NRK: variants seen among roughly 807,000 people sequenced by gnomAD.
The protein encoded by NRK is Nik related kinase, also known as nik-related protein kinase.
Under a neutral mutation model 125.2 loss-of-function variants are expected in NRK, and 67 were observed. That is an observed-to-expected ratio of 0.54 (90% confidence interval 0.44 to 0.66). The LOEUF is 0.66. NRK is among the 30% of genes least tolerant of loss of function. The pLI is 0.00. For synonymous variants in NRK, 458 were observed against 429.0 expected, an observed-to-expected ratio of 1.07 and a Z score of -0.84; for missense variants, 1,224 against 1,192.9, an observed-to-expected ratio of 1.03 and a Z score of -0.38.
At chrX:105,939,190 G>C (rs1183263279) in intron 22 of NRK, among the ~76,000 whole-genome samples, 3 of 111,333 alleles carry the variant, frequency 2.7e-5, no homozygotes, top group African/African-American at 9.8e-5. Context: ...GAATCCTATT[G>C]TTGGGCCTAG....
chrX:105,955,953 T>C lies in NRK; in HGVS notation c.*353T>C. 8.1e-6 allele frequency: 1 copy of C among 123,864 alleles called. No individual in the cohort carries two copies. The highest frequency in any genetic ancestry group is 1.7e-5 in the Non-Finnish European group (1 of 60,314). The allele number at this position is 123,864 out of a possible 1,213,427, so 10.2% of individuals were successfully genotyped here. A position where few individuals can be genotyped will look rare whatever the true frequency, so the allele number is the denominator to read the frequency against. On this transcript the variant is annotated 3_prime_UTR_variant, in exon 29 of 29. Transcript: ENST00000243300. ...TTATGAATTAGATTACAAGCAGCCTTCAAAAGAATTGGCACTGGGATAAGA... is the reference window on the plus strand; with the variant it reads ...TTATGAATTAGATTACAAGCAGCCTCCAAAAGAATTGGCACTGGGATAAGA...
chrX:105,824,202 G>A (rs5962589), intron 1 of NRK, among the ~76,000 whole-genome samples: 21,511 of 111,071 alleles, frequency 0.19, 1,552 homozygotes, highest in Middle Eastern at 0.32. Flanking sequence ...TATTTATGCA[G>A]CTTCATAAAA....
intron 1 of NRK, among the ~76,000 whole-genome samples, chrX:105,825,414 A>C (rs1227037117): frequency 8.9e-6 from 1 of 112,271 alleles, no homozygotes; most frequent in East Asian, 2.8e-4. Context: ...CAAACATTGG[A>C]GTTGCAAACT....
At chrX:105,943,453 G>T (rs1272241158) in intron 23 of NRK, among the ~76,000 whole-genome samples, 2 of 111,918 alleles carry the variant, frequency 1.8e-5, no homozygotes, top group Non-Finnish European at 3.8e-5. Flanking sequence ...AAATTGGAAA[G>T]TGTGAGTTCT....
intron 3 of NRK, among the ~76,000 whole-genome samples, chrX:105,881,004 C>G (rs1003556402): frequency 2.7e-5 from 3 of 111,518 alleles, no homozygotes; most frequent in African/African-American, 9.8e-5. Flanking sequence ...TGTGCTTTTT[C>G]CAATTTGTGC....
chrX:105,935,253 G>A lies in NRK; in HGVS notation c.3583G>A (p.Ala1195Thr), dbSNP rs1258674037. 2.5e-6 allele frequency: 3 copies of A among 1,195,608 alleles called. No homozygotes were observed. Among genetic ancestry groups the A allele is most frequent in the East Asian group, 3.0e-5 (1 of 33,720 alleles). Residue 1195 changes from alanine (A) to threonine (T), a missense_variant, in exon 21 of 29, where the codon GCA becomes ACA. Physicochemically the swap from Ala to Thr is moderately conservative, Grantham distance 58. Coordinates refer to ENST00000243300, the MANE Select transcript of NRK (RefSeq NM_198465.4). The part of the protein sequence containing the change: ...VNVNPLYVSP[A>T]CKKPLIHMYE... ...TGTTAACCCACTCTATGTCTCTCCT[G>A]CATGTAAAAAACCACTAATCCACAT...
intron 7 of NRK, among the ~76,000 whole-genome samples, chrX:105,897,669 T>C (rs1412737845): frequency 8.9e-6 from 1 of 112,463 alleles, no homozygotes; most frequent in Non-Finnish European, 1.9e-5. Flanking sequence ...ATTTAACCTG[T>C]TTCTTTTTAA....
chrX:105,840,874 T>TAGAG (rs773416696), intron 2 of NRK, among the ~76,000 whole-genome samples: 12,021 of 108,651 alleles, frequency 0.11, 1,763 homozygotes, highest in African/African-American at 0.39. Context: ...TATATATACA[T>TAGAG]AGAGAGAGAG....
At chrX:105,829,112 G>C (rs762678957) in intron 1 of NRK, among the ~76,000 whole-genome samples, 1 of 111,762 alleles carries the variant, frequency 8.9e-6, no homozygotes, top group Non-Finnish European at 1.9e-5. Flanking sequence ...TTTTATGTAT[G>C]TGAAAACTGA....
intron 23 of NRK, among the ~76,000 whole-genome samples, chrX:105,941,182 A>G (rs938184126): frequency 9.0e-6 from 1 of 111,169 alleles, no homozygotes; most frequent in African/African-American, 3.3e-5. Context: ...TCACAAAGTT[A>G]CTCATATTGC....
intron 15 of NRK, among the ~76,000 whole-genome samples, chrX:105,916,597 C>T (rs1247148328): frequency 9.0e-6 from 1 of 111,490 alleles, no homozygotes; most frequent in Non-Finnish European, 1.9e-5. Flanking sequence ...TTAAAAAACC[C>T]ATACAATTAT....
In NRK at chrX:105,895,363, C is replaced by CAGAAAGAA. The variant is rs111844831; in HGVS notation, c.490-44_490-37dup. 2.7e-3 allele frequency: 2,085 copies of CAGAAAGAA among 776,402 alleles called. 2 individuals are homozygous for CAGAAAGAA. The highest frequency in any genetic ancestry group is 7.4e-3 in the African/African-American group (334 of 44,923). The allele number at this position is 776,402 out of a possible 1,213,427, so 64.0% of individuals were successfully genotyped here. A position where few individuals can be genotyped will look rare whatever the true frequency, so the allele number is the denominator to read the frequency against. Reference sequence around the variant, plus strand: ...TTTCCAAAAATACTAAGAACTGTACCAGAAAGAAAGAAAGAAAGAAAGAAA... The same window carrying CAGAAAGAA: ...TTTCCAAAAATACTAAGAACTGTACCAGAAAGAAAGAAAGAAAGAAAGAAAGAAAGAAA... On this transcript the variant is annotated intron_variant, in intron 6 of 28. Coordinates refer to ENST00000243300, the MANE Select transcript of NRK (RefSeq NM_198465.4).
Position 105,956,987 on chromosome X carries a change from A to C in NRK, c.*1387A>C, listed in dbSNP as rs1332056130. ...CTGAGGACAGTGCTAGTGGGAAAAT[A>C]ATTTTCAAACTACCTGGTTAACCAA... On this transcript the variant is annotated 3_prime_UTR_variant, in exon 29 of 29. Transcript: ENST00000243300. 1 of 112,435 alleles carries C rather than the reference A, an allele frequency of 8.9e-6. No individual in the cohort carries two copies. The highest frequency in any genetic ancestry group is 1.9e-5 in the Non-Finnish European group (1 of 53,204). The allele number at this position is 112,435 out of a possible 1,213,427, so 9.3% of individuals were successfully genotyped here. A position where few individuals can be genotyped will look rare whatever the true frequency, so the allele number is the denominator to read the frequency against.
chrX:105,874,769 C>T (rs899692526), intron 2 of NRK, among the ~76,000 whole-genome samples: 2 of 111,251 alleles, frequency 1.8e-5, no homozygotes, highest in African/African-American at 6.5e-5. Flanking sequence ...AACAACAGCA[C>T]CGTAATAAAC....
chrX:105,845,494 A>G (rs2039388750), intron 2 of NRK, among the ~76,000 whole-genome samples: 1 of 111,972 alleles, frequency 8.9e-6, no homozygotes, highest in Admixed American at 9.5e-5. Flanking sequence ...TCTGATTTTG[A>G]TGAAGAACAA....
At chrX:105,886,400 GAC>G (rs957121763) in intron 4 of NRK, among the ~76,000 whole-genome samples, 10 of 103,150 alleles carry the variant, frequency 9.7e-5, no homozygotes, top group Admixed American at 4.3e-4. Flanking sequence ...TACACATACA[GAC>G]ACACATGTAT....
At chrX:105,909,996 C>T (rs1435946040) in intron 13 of NRK, 114 bp downstream of exon 13, 1 of 551,340 alleles carries the variant, frequency 1.8e-6, no homozygotes. Context: ...TTGTGTTCTA[C>T]AGAAGATATA....
At chrX:105,911,382 A>T in intron 13 of NRK, among the ~76,000 whole-genome samples, 1 of 111,692 alleles carries the variant, frequency 9.0e-6, no homozygotes, top group South Asian at 3.7e-4. Flanking sequence ...CCCCACATCC[A>T]TTTGTGTAAA....
At chrX:105,898,787 TAAAAC>T (rs1478471950) in intron 8 of NRK, 73 bp downstream of exon 8, 9 of 907,895 alleles carry the variant, frequency 9.9e-6, no homozygotes, top group Non-Finnish European at 8.8e-6. Context: ...TTTTTAATGA[TAAAAC>T]AAAAAATAAA....
Sources: allele counts gnomAD v4.1 joint callset (sites outside exome capture counted in the v4.1 genomes callset), GRCh38; gene constraint gnomAD v4.1.1; transcripts MANE v1.5; gene names NCBI Gene and HGNC (gene_info 2026-07-23, HGNC 2026-07-21).